FAM114A1: variants seen among roughly 807,000 people sequenced by gnomAD.
FAM114A1 encodes the protein protein NOXP20.
Under a neutral mutation model 64.3 loss-of-function variants are expected in FAM114A1, and 62 were observed. The ratio of observed to expected loss-of-function variants is 0.96; its 90% CI spans 0.79 to 1.19. FAM114A1 has a LOEUF of 1.19. FAM114A1 is among the 50% of genes most tolerant of loss of function. The pLI is 0.00. For missense variants in FAM114A1, 645 were observed against 676.3 expected (o/e 0.95, Z 0.51); for synonymous variants, 254 against 251.1 (o/e 1.01, Z -0.11).
At chr4:38,890,358 G>A (rs949976629) in intron 3 of FAM114A1, among the ~76,000 whole-genome samples, 4 of 146,740 alleles carry the variant, frequency 2.7e-5, no homozygotes, top group African/African-American at 5.2e-5. Flanking sequence ...AGCTGAGATC[G>A]CACCACTGCA....
At chr4:38,935,907 G>A (rs940510734) in intron 13 of FAM114A1, 117 bp downstream of exon 13, 27 of 730,038 alleles carry the variant, frequency 3.7e-5, no homozygotes, top group East Asian at 1.3e-4. Context: ...ATGCCATGAT[G>A]TAAGCTGAAG....
At chr4:38,894,862 G>A (rs60726955) in intron 4 of FAM114A1, among the ~76,000 whole-genome samples, 8,369 of 152,234 alleles carry the variant, frequency 0.055, 338 homozygotes, top group Middle Eastern at 0.13. Flanking sequence ...TACAGTTTCC[G>A]TGGGTCAAGA....
rs533038185 is a variant in FAM114A1, at chr4:38,883,549, A to C, written c.348+5123A>C. 5.3e-5 allele frequency among the ~76,000 whole-genome samples: 8 copies of C among 152,336 alleles called. No individual in the cohort carries two copies. In the East Asian group the frequency reaches 1.5e-3, roughly 29 times the overall value. ...AAGGCCGATTATGGAGAAGGTCAAG[A>C]ATCCCAATGTTAACACTGTTGAGTA... is the stretch of plus-strand genomic sequence containing the variant. On this transcript the variant is annotated intron_variant, in intron 3 of 14. Coordinates refer to ENST00000358869, the MANE Select transcript of FAM114A1 (RefSeq NM_138389.4).
At chr4:38,896,056 G>A (rs931861938) in intron 4 of FAM114A1, among the ~76,000 whole-genome samples, 6 of 151,988 alleles carry the variant, frequency 3.9e-5, no homozygotes, top group Admixed American at 3.3e-4. Context: ...TATGGTTCTG[G>A]CTACATGCTG....
At chr4:38,929,994 G>A (rs1272783863) in intron 10 of FAM114A1, among the ~76,000 whole-genome samples, 1 of 152,048 alleles carries the variant, frequency 6.6e-6, no homozygotes, top group Non-Finnish European at 1.5e-5. Flanking sequence ...AGGGAAAAAG[G>A]GTGCAGAATC....
At chr4:38,883,511 A>G (rs906648806) in intron 3 of FAM114A1, among the ~76,000 whole-genome samples, 3 of 152,192 alleles carry the variant, frequency 2.0e-5, no homozygotes, top group Admixed American at 1.3e-4. Context: ...CCTACTGCTC[A>G]ACACCAACGC....
intron 6 of FAM114A1, among the ~76,000 whole-genome samples, chr4:38,908,204 T>G (rs1718201600): frequency 6.6e-6 from 1 of 151,958 alleles, no homozygotes; most frequent in Non-Finnish European, 1.5e-5. Flanking sequence ...AAAAAAATTT[T>G]TAAACAGAAA....
intron 8 of FAM114A1, among the ~76,000 whole-genome samples, chr4:38,917,149 C>CAAATAAATAAATAAATAAATAAATAAAT (rs55953630): frequency 6.3e-5 from 9 of 143,136 alleles, no homozygotes; most frequent in Non-Finnish European, 9.1e-5. Context: ...ACTAAAAATA[C>CAAATAAATAAATAAATAAATAAATAAAT]AAATAAATAA....
At chr4:38,882,464 T>G (rs1715385535) in intron 3 of FAM114A1, among the ~76,000 whole-genome samples, 1 of 151,898 alleles carries the variant, frequency 6.6e-6, no homozygotes, top group African/African-American at 2.4e-5. Flanking sequence ...ACCCCGTCTC[T>G]GCTAAAAATA....
chr4:38,876,262 C>A (rs145138080), intron 2 of FAM114A1, among the ~76,000 whole-genome samples: 382 of 150,434 alleles, frequency 2.5e-3, no homozygotes, highest in African/African-American at 9.2e-3. Context: ...CTCCACCCCC[C>A]AGGTTCAAGC....
At chr4:38,912,504 T>A (rs1718651304) in intron 7 of FAM114A1, among the ~76,000 whole-genome samples, 5 of 152,098 alleles carry the variant, frequency 3.3e-5, no homozygotes, top group Admixed American at 3.3e-4. Context: ...CCTGCCTCCC[T>A]CCTGAATAGC....
At chr4:38,885,587 C>T (rs1715720215) in intron 3 of FAM114A1, among the ~76,000 whole-genome samples, 1 of 152,124 alleles carries the variant, frequency 6.6e-6, no homozygotes, top group Admixed American at 6.6e-5. Flanking sequence ...CCTTGAATAC[C>T]TTTATTTTTA....
At chr4:38,923,877 G>T (rs1024139017) in intron 9 of FAM114A1, among the ~76,000 whole-genome samples, 1 of 152,194 alleles carries the variant, frequency 6.6e-6, no homozygotes, top group Non-Finnish European at 1.5e-5. Flanking sequence ...GGTTGGGCAT[G>T]GTTAATGATT....
At chr4:38,912,612 G>C (rs543116982) in intron 7 of FAM114A1, among the ~76,000 whole-genome samples, 7 of 152,256 alleles carry the variant, frequency 4.6e-5, no homozygotes, top group African/African-American at 1.7e-4. Flanking sequence ...TTGAACTCCT[G>C]ACCTAGTGAT....
intron 9 of FAM114A1, among the ~76,000 whole-genome samples, chr4:38,928,091 G>C (rs991715169): frequency 6.6e-6 from 1 of 152,190 alleles, no homozygotes; most frequent in Non-Finnish European, 1.5e-5. Context: ...TACAAGCTAT[G>C]CCAGGCTATC....
intron 7 of FAM114A1, among the ~76,000 whole-genome samples, chr4:38,913,668 G>A (rs1221607261): frequency 6.6e-6 from 1 of 152,104 alleles, no homozygotes; most frequent in East Asian, 1.9e-4. Context: ...AGAATTACAG[G>A]TGTGAGCCAC....
intron 3 of FAM114A1, among the ~76,000 whole-genome samples, chr4:38,885,442 AT>A (rs1250275264): frequency 6.6e-6 from 1 of 151,644 alleles, no homozygotes; most frequent in Non-Finnish European, 1.5e-5. Flanking sequence ...CGCCTGGCTA[AT>A]TTTTTAATTT....
chr4:38,885,297 T>C (rs1715689660), intron 3 of FAM114A1, among the ~76,000 whole-genome samples: 1 of 148,286 alleles, frequency 6.7e-6, no homozygotes, highest in Admixed American at 6.7e-5. Flanking sequence ...AAAAAAATAG[T>C]CTCTCTCTCT....
Position 38,905,645 on chromosome 4 carries a change from G to A in FAM114A1, c.550+10G>A, listed in dbSNP as rs745452381. The A allele has an allele frequency of 8.7e-6, 14 of 1,612,376 alleles. No individual in the cohort carries two copies. The highest frequency in any genetic ancestry group is 1.2e-5 in the Non-Finnish European group (14 of 1,178,620). On this transcript the variant is annotated intron_variant, in intron 5 of 14. Coordinates refer to ENST00000358869, the MANE Select transcript of FAM114A1 (RefSeq NM_138389.4). ...AACGGAGTCCCTGAAAGTGAGTGAT[G>A]TGTCTCCTCTGGGTGTTCTTGGACT...
Sources: gnomAD v4.1 joint callset for allele counts (sites outside exome capture counted in the v4.1 genomes callset) on GRCh38, gnomAD v4.1.1 for gene constraint, MANE v1.5 for transcripts, NCBI Gene and HGNC (gene_info 2026-07-23, HGNC 2026-07-21) for gene names.